IQGAP2: variants seen among roughly 807,000 people sequenced by gnomAD.
IQGAP2 encodes IQ motif containing GTPase activating protein 2, also known as ras GTPase-activating-like protein IQGAP2.
A neutral mutation model predicts 201.3 loss-of-function variants in IQGAP2; 173 were observed. That is an observed-to-expected ratio of 0.86 (90% confidence interval 0.76 to 0.98). The LOEUF (loss-of-function observed/expected upper bound fraction) is 0.98. Among genes scored for constraint, IQGAP2 ranks in the 50% least tolerant of loss-of-function variants. IQGAP2 has a pLI of 0.00. For missense variants in IQGAP2, 1,687 were observed against 1,864.8 expected (o/e 0.90, Z 1.76); for synonymous variants, 675 against 673.9 (o/e 1.00, Z -0.03).
intron 2 of IQGAP2, among the ~76,000 whole-genome samples, chr5:76,529,949 C>G (rs1019246688): frequency 2.0e-5 from 3 of 152,110 alleles, no homozygotes; most frequent in African/African-American, 7.2e-5. Context: ...CTGGTAATCA[C>G]TCAAACACAT....
chr5:76,465,943 C>T (rs935803373), intron 2 of IQGAP2, among the ~76,000 whole-genome samples: 17 of 151,960 alleles, frequency 1.1e-4, no homozygotes, highest in Non-Finnish European at 2.4e-4. Flanking sequence ...ATTAAGAAAA[C>T]AATGGTCCCA....
At position 76,570,641 on chromosome 5, in the gene IQGAP2, C is replaced by G; in HGVS notation, c.365C>G (p.Ser122Cys). The change falls in exon 4 of 36, where the codon TCT becomes TGT. Residue 122 changes from serine (S) to cysteine (C), a missense_variant. Physicochemically the swap from Ser to Cys is moderately radical, Grantham distance 112 (BLOSUM62 -1). Coordinates refer to ENST00000274364, the MANE Select transcript of IQGAP2 (RefSeq NM_006633.5). The stretch of plus-strand genomic sequence containing the variant: ...GTCCAGTGGTTAAGAGCGATGGAGT[C>G]TATTGGTCTACCCAAGGTAAGCCTT... Reference protein sequence around the residue: ...NTVQWLRAMESIGLPKIFYPE... With the variant: ...NTVQWLRAMECIGLPKIFYPE... 6.2e-7 allele frequency: 1 copy of G among 1,612,984 alleles called. No homozygotes were observed. The highest frequency in any genetic ancestry group is 8.5e-7 in the Non-Finnish European group (1 of 1,178,964).
At chr5:76,428,959 G>GAC (rs2150088697) in intron 1 of IQGAP2, among the ~76,000 whole-genome samples, 1 of 151,614 alleles carries the variant, frequency 6.6e-6, no homozygotes, top group South Asian at 2.1e-4. Flanking sequence ...CAGGCGTGAT[G>GAC]ACACAGCTAC....
intron 30 of IQGAP2, among the ~76,000 whole-genome samples, chr5:76,687,421 A>C (rs2150524721): frequency 6.6e-6 from 1 of 152,386 alleles, no homozygotes; most frequent in South Asian, 2.1e-4. Context: ...CATATTTGAA[A>C]AAATCTTGAT....
At chr5:76,649,023 A>G (rs1313479784) in intron 17 of IQGAP2, among the ~76,000 whole-genome samples, 1 of 152,278 alleles carries the variant, frequency 6.6e-6, no homozygotes, top group Non-Finnish European at 1.5e-5. Flanking sequence ...CCAAAAACAC[A>G]GATTCAAGAA....
chr5:76,562,421 G>C lies in IQGAP2; in HGVS notation c.172G>C (p.Glu58Gln). ...GTGGATGGAAGTTTGCTTAGTTGAA[G>C]AATTGCCACCAACCACTGAATTGGA... ...KRWMEVCLVEELPPTTELEEG... is the reference protein window; with the variant it reads ...KRWMEVCLVEQLPPTTELEEG... Residue 58 changes from glutamate (E) to glutamine (Q), a missense_variant, in exon 3 of 36, where the codon GAA (glutamate) becomes CAA (glutamine). Coordinates refer to ENST00000274364, the MANE Select transcript of IQGAP2 (RefSeq NM_006633.5). The C allele has an allele frequency of 6.2e-7, 1 of 1,613,358 alleles. No individual in the cohort carries two copies. The highest frequency in any genetic ancestry group is 8.5e-7 in the Non-Finnish European group (1 of 1,179,628).
intron 5 of IQGAP2, among the ~76,000 whole-genome samples, chr5:76,576,281 G>A (rs1298347620): frequency 6.6e-6 from 1 of 152,126 alleles, no homozygotes; most frequent in Non-Finnish European, 1.5e-5. Context: ...AAGAAACATA[G>A]TAGTTTGGTG....
intron 5 of IQGAP2, among the ~76,000 whole-genome samples, chr5:76,576,059 A>C (rs1745450119): frequency 6.6e-6 from 1 of 152,212 alleles, no homozygotes; most frequent in African/African-American, 2.4e-5. Flanking sequence ...AACTTCTAGA[A>C]ATCCAATTGT....
chr5:76,428,058 G>A (rs1397540027), intron 1 of IQGAP2, among the ~76,000 whole-genome samples: 2 of 152,154 alleles, frequency 1.3e-5, no homozygotes, highest in Non-Finnish European at 2.9e-5. Context: ...GGCACTGAAG[G>A]GGCAAACTGG....
At chr5:76,671,552 G>A (rs780782234) in intron 23 of IQGAP2, among the ~76,000 whole-genome samples, 1 of 151,916 alleles carries the variant, frequency 6.6e-6, no homozygotes, top group Non-Finnish European at 1.5e-5. Flanking sequence ...CGGGCATGTG[G>A]TGGTGCACAC....
intron 2 of IQGAP2, among the ~76,000 whole-genome samples, chr5:76,516,812 T>C (rs905306308): frequency 1.8e-4 from 28 of 152,360 alleles, no homozygotes; most frequent in African/African-American, 6.5e-4. Flanking sequence ...AAGAAAGGTA[T>C]ATGTTCCCTT....
Position 76,622,431 on chromosome 5 carries a change from T to G in IQGAP2, c.1522-4979T>G, listed in dbSNP as rs375837875. On this transcript the variant is annotated intron_variant, in intron 13 of 35. Coordinates refer to ENST00000274364, the MANE Select transcript of IQGAP2 (RefSeq NM_006633.5). ...GAAAGCATTGATTTCTGTTTTTGTTTCCCTTGCTATGTCCAGTCTTTGCCT... is the reference window on the plus strand; with the variant it reads ...GAAAGCATTGATTTCTGTTTTTGTTGCCCTTGCTATGTCCAGTCTTTGCCT... Among the ~76,000 whole-genome samples, 310 of 152,316 alleles carry G rather than the reference T, an allele frequency of 2.0e-3. 2 individuals carry two copies. Among genetic ancestry groups the G allele is most frequent in the African/African-American group, 7.3e-3 (302 of 41,550 alleles).
chr5:76,700,582 G>T (rs1332109438), intron 33 of IQGAP2, among the ~76,000 whole-genome samples: 5 of 152,128 alleles, frequency 3.3e-5, no homozygotes, highest in African/African-American at 1.2e-4. Context: ...ACATGATATA[G>T]TATATAGCAA....
chr5:76,483,523 T>C (rs771336810), intron 2 of IQGAP2, among the ~76,000 whole-genome samples: 1 of 152,208 alleles, frequency 6.6e-6, no homozygotes, highest in Non-Finnish European at 1.5e-5. Context: ...TTCTCTAACC[T>C]ACCATCTTGG....
rs150760407 is a variant in IQGAP2, at chr5:76,491,663, G to A, written c.146+29994G>A. ...CATAACTTTTCTCTTTTCCTGACAT[G>A]TGCTTTTAGCCTCTGATAGCCGTCA... is the stretch of plus-strand genomic sequence containing the variant. On this transcript the variant is annotated intron_variant, in intron 2 of 35. Coordinates refer to ENST00000274364, the MANE Select transcript of IQGAP2 (RefSeq NM_006633.5). Among the ~76,000 whole-genome samples, 27 of 152,194 alleles carry A rather than the reference G, an allele frequency of 1.8e-4. No homozygotes were observed. In the East Asian group the frequency reaches 5.2e-3, roughly 29 times the overall value.
intron 14 of IQGAP2, among the ~76,000 whole-genome samples, chr5:76,630,471 T>C (rs544338704): frequency 6.6e-6 from 1 of 152,290 alleles, no homozygotes; most frequent in South Asian, 2.1e-4. Flanking sequence ...AATGGTTCTA[T>C]TAAGATGAGA....
At chr5:76,678,933 C>G (rs1273839770) in intron 28 of IQGAP2, among the ~76,000 whole-genome samples, 1 of 152,146 alleles carries the variant, frequency 6.6e-6, no homozygotes, top group Non-Finnish European at 1.5e-5. Context: ...TTACATCAAG[C>G]TCTCAATACA....
intron 2 of IQGAP2, among the ~76,000 whole-genome samples, chr5:76,484,417 C>T (rs1755986738): frequency 6.6e-6 from 1 of 152,130 alleles, no homozygotes; most frequent in Non-Finnish European, 1.5e-5. Flanking sequence ...GTTCTGCTTC[C>T]CACTTGAGAG....
intron 20 of IQGAP2, 65 bp downstream of exon 20, chr5:76,655,068 C>G: frequency 8.8e-7 from 1 of 1,142,640 alleles, no homozygotes; most frequent in Non-Finnish European, 1.3e-6. Flanking sequence ...CATATTGGTC[C>G]ATATTGGTCA....
Sources: gnomAD v4.1 joint callset for allele counts (sites outside exome capture counted in the v4.1 genomes callset) on GRCh38, gnomAD v4.1.1 for gene constraint, MANE v1.5 for transcripts, NCBI Gene and HGNC (gene_info 2026-07-23, HGNC 2026-07-21) for gene names.